The following LHFPL3 variants were observed in gnomAD, a reference collection of about 807,000 sequenced individuals.
LHFPL3 encodes the protein LHFPL tetraspan subfamily member 3 protein.
A neutral mutation model predicts 19.3 loss-of-function variants in LHFPL3; 5 were observed. That is an observed-to-expected ratio of 0.26 (90% CI 0.14 to 0.54). LHFPL3 has a LOEUF of 0.54. LHFPL3 is among the 20% of genes least tolerant of loss of function. The pLI is 0.94. For synonymous variants in LHFPL3, 133 were observed against 126.2 expected, an observed-to-expected ratio of 1.05 and a Z score of -0.36; for missense variants, 249 against 307.4, an observed-to-expected ratio of 0.81 and a Z score of 1.42.
Position 104,698,614 on chromosome 7 carries a change from G to A in LHFPL3, c.446-38061G>A, listed in dbSNP as rs115678802. Among the ~76,000 whole-genome samples the A allele has an allele frequency of 4.7e-3, 713 of 152,294 alleles. 10 individuals are homozygous for A. The highest frequency in any genetic ancestry group is 0.015 in the African/African-American group (634 of 41,552). On this transcript the variant is annotated intron_variant, in intron 1 of 2. Coordinates refer to ENST00000424859, the MANE Select transcript of LHFPL3 (RefSeq NM_199000.3). ...TATGTCCACACAAAAACCTGTACATGGATGTTTACAGCAGTTGTATTCATA... is the reference window on the plus strand; with the variant it reads ...TATGTCCACACAAAAACCTGTACATAGATGTTTACAGCAGTTGTATTCATA...
At chr7:104,545,692 A>C (rs1794566370) in intron 1 of LHFPL3, among the ~76,000 whole-genome samples, 1 of 152,352 alleles carries the variant, frequency 6.6e-6, no homozygotes. Context: ...AGGTGAGAGC[A>C]GGAACGTAGT....
At chr7:104,355,974 A>T (rs866226036) in intron 1 of LHFPL3, among the ~76,000 whole-genome samples, 16 of 152,380 alleles carry the variant, frequency 1.1e-4, no homozygotes, top group African/African-American at 3.6e-4. Flanking sequence ...TCATTGATAT[A>T]GTACATTATA....
chr7:104,705,059 TTTG>T (rs1490095199), intron 1 of LHFPL3, among the ~76,000 whole-genome samples: 2 of 152,186 alleles, frequency 1.3e-5, no homozygotes, highest in African/African-American at 4.8e-5. Context: ...TTTAATCTAT[TTTG>T]TTGTTGTCAT....
At chr7:104,331,827 G>C (rs994470252) in intron 1 of LHFPL3, among the ~76,000 whole-genome samples, 6 of 151,978 alleles carry the variant, frequency 3.9e-5, no homozygotes, top group Non-Finnish European at 8.8e-5. Context: ...GTGGGTGCCT[G>C]TAATCCCAGC....
At chr7:104,343,770 A>G (rs998369681) in intron 1 of LHFPL3, among the ~76,000 whole-genome samples, 1 of 151,440 alleles carries the variant, frequency 6.6e-6, no homozygotes, top group African/African-American at 2.4e-5. Context: ...TCATACTAAA[A>G]CAACCATTTG....
intron 1 of LHFPL3, among the ~76,000 whole-genome samples, chr7:104,539,733 T>C (rs1000326518): frequency 6.6e-6 from 1 of 152,216 alleles, no homozygotes; most frequent in Non-Finnish European, 1.5e-5. Context: ...AAAGCTAGGT[T>C]CTTTTCATTT....
chr7:104,577,217 C>G (rs28437793), intron 1 of LHFPL3, among the ~76,000 whole-genome samples: 36,392 of 152,002 alleles, frequency 0.24, 4,452 homozygotes, highest in Non-Finnish European at 0.26. Flanking sequence ...ATATTAAACA[C>G]ATGGGAGAGC....
At chr7:104,519,435 T>C (rs1228482013) in intron 1 of LHFPL3, among the ~76,000 whole-genome samples, 1 of 152,168 alleles carries the variant, frequency 6.6e-6, no homozygotes, top group Non-Finnish European at 1.5e-5. Flanking sequence ...TGTTGCTTTT[T>C]AAACTTAAAT....
intron 1 of LHFPL3, among the ~76,000 whole-genome samples, chr7:104,519,079 G>A (rs771651007): frequency 1.5e-4 from 23 of 152,014 alleles, no homozygotes; most frequent in Admixed American, 1.4e-3. Flanking sequence ...CCTCAGGATC[G>A]TCACTGTTCC....
At chr7:104,723,182 G>A (rs1213047572) in intron 1 of LHFPL3, among the ~76,000 whole-genome samples, 3 of 152,198 alleles carry the variant, frequency 2.0e-5, no homozygotes, top group Non-Finnish European at 4.4e-5. Context: ...GGAACCACTA[G>A]CCATTTGTGT....
chr7:104,722,592 T>C (rs1160790235), intron 1 of LHFPL3, among the ~76,000 whole-genome samples: 1 of 152,196 alleles, frequency 6.6e-6, no homozygotes, highest in Non-Finnish European at 1.5e-5. Context: ...GTAAATATTA[T>C]ACTTTTTCTA....
intron 1 of LHFPL3, among the ~76,000 whole-genome samples, chr7:104,612,617 T>C (rs936660614): frequency 1.3e-5 from 2 of 152,136 alleles, no homozygotes; most frequent in African/African-American, 4.8e-5. Context: ...AATTAGACTA[T>C]AAATTTGAAA....
intron 1 of LHFPL3, among the ~76,000 whole-genome samples, chr7:104,342,780 C>G (rs960284253): frequency 2.6e-5 from 4 of 152,158 alleles, no homozygotes; most frequent in African/African-American, 9.7e-5. Context: ...GGCCCCAGTA[C>G]CCACTAAAGT....
At position 104,341,883 on chromosome 7, in the gene LHFPL3, G is replaced by A. The variant is rs115736686; in HGVS notation, c.445+12659G>A. On this transcript the variant is annotated intron_variant, in intron 1 of 2. Coordinates refer to ENST00000424859, the MANE Select transcript of LHFPL3 (RefSeq NM_199000.3). ...GGACGGAGGGTGGAGGATAAAATATGAAGACTGAAAAAGAATAAAAAAAAG... is the reference window on the plus strand; with the variant it reads ...GGACGGAGGGTGGAGGATAAAATATAAAGACTGAAAAAGAATAAAAAAAAG... 4.3e-3 allele frequency among the ~76,000 whole-genome samples: 619 copies of A among 143,764 alleles called. 6 individuals are homozygous for A. The highest frequency in any genetic ancestry group is 0.016 in the African/African-American group (580 of 36,104). 94.3% of individuals were successfully genotyped at this position (143,764 alleles called of 152,430 possible).
intron 1 of LHFPL3, among the ~76,000 whole-genome samples, chr7:104,561,457 G>C (rs1380160763): frequency 3.3e-5 from 5 of 149,796 alleles, no homozygotes; most frequent in Admixed American, 2.6e-4. Flanking sequence ...TGTCTCTTTT[G>C]ATCTTTGTTG....
At chr7:104,808,975 A>C (rs1226187068) in intron 2 of LHFPL3, among the ~76,000 whole-genome samples, 1 of 145,688 alleles carries the variant, frequency 6.9e-6, no homozygotes, top group African/African-American at 2.6e-5. Context: ...GGCTCACTAC[A>C]ACCTCCATCT....
chr7:104,609,042 G>A lies in LHFPL3; in HGVS notation c.446-127633G>A, dbSNP rs142173868. Among the ~76,000 whole-genome samples the A allele has an allele frequency of 6.5e-3, 993 of 152,134 alleles. 11 individuals are homozygous for A. Among genetic ancestry groups the A allele is most frequent in the African/African-American group, 0.02 (839 of 41,496 alleles). Reference sequence around the variant, plus strand: ...AGCACTTTGGGAGGCTGAGGAGGGCGGATCACAAGGTCAGGAGTTTGAGAC... The same window carrying A: ...AGCACTTTGGGAGGCTGAGGAGGGCAGATCACAAGGTCAGGAGTTTGAGAC... On this transcript the variant is annotated intron_variant, in intron 1 of 2. Coordinates refer to ENST00000424859, the MANE Select transcript of LHFPL3 (RefSeq NM_199000.3).
intron 2 of LHFPL3, among the ~76,000 whole-genome samples, chr7:104,853,609 ATTT>A (rs775721833): frequency 6.6e-6 from 1 of 152,222 alleles, no homozygotes; most frequent in Non-Finnish European, 1.5e-5. Flanking sequence ...AATTTGATTT[ATTT>A]TTATTTACTT....
intron 1 of LHFPL3, among the ~76,000 whole-genome samples, chr7:104,718,383 A>G (rs973720713): frequency 1.3e-5 from 2 of 152,174 alleles, no homozygotes; most frequent in Non-Finnish European, 2.9e-5. Context: ...TGGATACTCT[A>G]TTTCCAAACG....
Sources: allele counts gnomAD v4.1 joint callset (sites outside exome capture counted in the v4.1 genomes callset), GRCh38; gene constraint gnomAD v4.1.1; transcripts MANE v1.5; gene names NCBI Gene and HGNC (gene_info 2026-07-23, HGNC 2026-07-21).